NRXN3: variants seen among roughly 807,000 people sequenced by gnomAD.
NRXN3 encodes the protein neurexin III.
NRXN3 carries 32 observed loss-of-function variants against 137.6 expected under a neutral mutation model. That is an observed-to-expected ratio of 0.23 (90% confidence interval 0.18 to 0.31). The LOEUF is 0.31. Among genes scored for constraint, NRXN3 ranks in the 10% least tolerant of loss-of-function variants. The pLI, the probability that NRXN3 is intolerant of heterozygous loss-of-function variation, is 1.00. For synonymous variants in NRXN3, 798 were observed against 784.5 expected (o/e 1.02, Z -0.29); for missense variants, 1,574 against 2,062.5 (o/e 0.76, Z 4.59).
chr14:79,702,927 A>G lies in NRXN3; in HGVS notation c.4014+4990A>G, dbSNP rs544699414. The stretch of plus-strand genomic sequence containing the variant: ...TGTCTCCATCCTGAGTTATCAGCAG[A>G]AAAAAAAAAAAGCTCAGTGTGTTCT... On this transcript the variant is annotated intron_variant, in intron 19 of 20. Transcript: ENST00000335750. Among the ~76,000 whole-genome samples, 93 of 58,758 alleles carry G rather than the reference A, an allele frequency of 1.6e-3. 3 individuals carry two copies. In the South Asian group the frequency reaches 0.04, roughly 25 times the overall value. 38.5% of individuals were successfully genotyped at this position (58,758 alleles called of 152,430 possible).
chr14:79,397,557 G>C (rs2095062049), intron 15 of NRXN3, among the ~76,000 whole-genome samples: 1 of 152,138 alleles, frequency 6.6e-6, no homozygotes, highest in Non-Finnish European at 1.5e-5. Flanking sequence ...GTGTAAGGTT[G>C]AATAACAACA....
chr14:79,001,817 A>G (rs1017896290), intron 15 of NRXN3, among the ~76,000 whole-genome samples: 11 of 152,184 alleles, frequency 7.2e-5, no homozygotes, highest in Admixed American at 2.0e-4. Flanking sequence ...TGATCTTACT[A>G]TGGAAGTCTC....
At chr14:78,227,090 T>A (rs758566025) in intron 1 of NRXN3, among the ~76,000 whole-genome samples, 12 of 152,222 alleles carry the variant, frequency 7.9e-5, no homozygotes, top group Non-Finnish European at 1.6e-4. Context: ...CTCAACATTA[T>A]GGTACCATGA....
At chr14:78,732,750 C>T (rs773197121) in intron 8 of NRXN3, among the ~76,000 whole-genome samples, 1 of 152,072 alleles carries the variant, frequency 6.6e-6, no homozygotes, top group Non-Finnish European at 1.5e-5. Context: ...AGGGCCAGTT[C>T]CAGAAAATCA....
intron 15 of NRXN3, among the ~76,000 whole-genome samples, chr14:79,372,598 T>G (rs1472710093): frequency 6.6e-6 from 1 of 152,138 alleles, no homozygotes; most frequent in Non-Finnish European, 1.5e-5. Context: ...GAGATACCCC[T>G]CTCTTGATTG....
chr14:79,295,907 C>T (rs147489959), intron 15 of NRXN3, among the ~76,000 whole-genome samples: 150 of 152,274 alleles, frequency 9.9e-4, no homozygotes, highest in African/African-American at 3.3e-3. Context: ...GAAGTTTTCT[C>T]ATTGAATAAC....
chr14:78,364,071 C>T (rs2085531942), intron 4 of NRXN3, among the ~76,000 whole-genome samples: 1 of 152,224 alleles, frequency 6.6e-6, no homozygotes. Flanking sequence ...GGGGCCTTGT[C>T]ACCAGTCATA....
intron 6 of NRXN3, among the ~76,000 whole-genome samples, chr14:78,667,162 G>A (rs1416628133): frequency 1.3e-5 from 2 of 151,986 alleles, no homozygotes; most frequent in African/African-American, 4.8e-5. Flanking sequence ...ATAATATAGG[G>A]TGTTTCAGCT....
chr14:79,354,875 G>A (rs2093360541), intron 15 of NRXN3, among the ~76,000 whole-genome samples: 1 of 152,164 alleles, frequency 6.6e-6, no homozygotes. Context: ...CACTAAAGTA[G>A]ATGCTGACAT....
At chr14:78,334,321 T>C (rs958804191) in intron 4 of NRXN3, among the ~76,000 whole-genome samples, 1 of 152,150 alleles carries the variant, frequency 6.6e-6, no homozygotes, top group Non-Finnish European at 1.5e-5. Flanking sequence ...CTTTCCAGAA[T>C]CACTTCTTTC....
chr14:79,464,152 T>C (rs986138667), intron 15 of NRXN3, among the ~76,000 whole-genome samples: 5 of 152,176 alleles, frequency 3.3e-5, no homozygotes, highest in Non-Finnish European at 7.4e-5. Flanking sequence ...AGTATTGGAC[T>C]ATGGGAGCAT....
intron 19 of NRXN3, among the ~76,000 whole-genome samples, chr14:79,792,816 C>T (rs182520021): frequency 2.0e-5 from 3 of 152,226 alleles, no homozygotes; most frequent in East Asian, 1.9e-4. Context: ...TTCTTGATTC[C>T]CTGTGATCAG....
intron 10 of NRXN3, among the ~76,000 whole-genome samples, chr14:78,829,109 A>G (rs1464007719): frequency 6.6e-6 from 1 of 152,168 alleles, no homozygotes. Context: ...ATAGGAAGAC[A>G]CCAGTACGGT....
chr14:78,852,996 T>C (rs556374833), intron 10 of NRXN3, among the ~76,000 whole-genome samples: 14 of 152,172 alleles, frequency 9.2e-5, no homozygotes, highest in Admixed American at 2.6e-4. Context: ...GTTCCATCCA[T>C]ATTGATGCAA....
At chr14:79,220,115 A>G (rs906659240) in intron 15 of NRXN3, among the ~76,000 whole-genome samples, 7 of 152,168 alleles carry the variant, frequency 4.6e-5, no homozygotes, top group African/African-American at 1.4e-4. Flanking sequence ...ACTGCATGCT[A>G]TCTTTATTTC....
chr14:78,554,240 G>A (rs1235601215), intron 4 of NRXN3, among the ~76,000 whole-genome samples: 1 of 152,194 alleles, frequency 6.6e-6, no homozygotes, highest in East Asian at 1.9e-4. Flanking sequence ...AGAGAGAAGG[G>A]AGAGAATACA....
intron 15 of NRXN3, among the ~76,000 whole-genome samples, chr14:79,345,173 G>T (rs191198215): frequency 1.1e-3 from 161 of 152,056 alleles, no homozygotes; most frequent in African/African-American, 3.7e-3. Flanking sequence ...TTGCCTTGTG[G>T]TCTCTGTGGC....
At chr14:79,155,668 G>A (rs940100386) in intron 15 of NRXN3, among the ~76,000 whole-genome samples, 3 of 151,602 alleles carry the variant, frequency 2.0e-5, no homozygotes, top group Non-Finnish European at 4.4e-5. Flanking sequence ...ATGTATTATA[G>A]CCTGACAAAA....
At chr14:79,651,942 G>A (rs1175960603) in intron 16 of NRXN3, among the ~76,000 whole-genome samples, 1 of 152,114 alleles carries the variant, frequency 6.6e-6, no homozygotes, top group Non-Finnish European at 1.5e-5. Flanking sequence ...TTTGAGTCAG[G>A]TCTATAATAG....
Sources: gnomAD v4.1 joint callset for allele counts (sites outside exome capture counted in the v4.1 genomes callset) on GRCh38, gnomAD v4.1.1 for gene constraint, MANE v1.5 for transcripts, NCBI Gene and HGNC (gene_info 2026-07-23, HGNC 2026-07-21) for gene names.